Variants in ZNF732 observed in about 807,000 individuals in gnomAD.
ZNF732 encodes zinc finger protein 732, also known as zinc finger protein LOC654254.
In ZNF732, 12 loss-of-function variants were observed where a neutral mutation model predicts 11.5. The observed-to-expected ratio is 1.05, with a 90% CI of 0.67 to 1.70. ZNF732 has a LOEUF of 1.70. Among genes scored for constraint, ZNF732 ranks in the 40% most tolerant of loss-of-function variants. ZNF732 has a pLI of 0.00. For missense variants in ZNF732, 702 were observed against 676.9 expected, an observed-to-expected ratio of 1.04 and a Z score of -0.41; for synonymous variants, 231 against 236.5, an observed-to-expected ratio of 0.98 and a Z score of 0.21.
chr4:304,100 CTGTG>C (rs1176298881), intron 1 of ZNF732, among the ~76,000 whole-genome samples: 3 of 152,028 alleles, frequency 2.0e-5, no homozygotes, highest in African/African-American at 7.2e-5. Flanking sequence ...CTTCCTGGCA[CTGTG>C]TGTGTTATTG....
chr4:294,309 G>A (rs1440391195), intron 3 of ZNF732, among the ~76,000 whole-genome samples: 3 of 152,192 alleles, frequency 2.0e-5, no homozygotes, highest in South Asian at 2.1e-4. Flanking sequence ...CCTAAAATAC[G>A]CTTTCTAAAA....
chr4:271,172 C>A lies in ZNF732; in HGVS notation c.1685G>T (p.Gly562Val), dbSNP rs190383880. ...GGACCACTTAAAGGCTTTGCCACAT[C>A]CTTTACATTTGGGGGTTTTATCTCC... is the stretch of plus-strand genomic sequence containing the variant. ...HTGDKTPKCK[G>V]CGKAFKWSSY... The change falls in exon 4 of 4, where the codon GGA becomes GTA. Residue 562 changes from glycine to valine, a missense_variant. Gly to Val is a moderately radical substitution (Grantham distance 109). Transcript: ENST00000419098. 6 of 1,552,628 alleles carry A rather than the reference C, an allele frequency of 3.9e-6. No homozygotes were observed. The highest frequency in any genetic ancestry group is 5.2e-6 in the Non-Finnish European group (6 of 1,147,872).
intron 3 of ZNF732, among the ~76,000 whole-genome samples, chr4:286,997 G>A (rs529910396): frequency 9.2e-5 from 14 of 151,996 alleles, no homozygotes; most frequent in African/African-American, 3.4e-4. Flanking sequence ...CTAAAAATAT[G>A]AAAATTATCT....
At chr4:283,692 T>C (rs75314292) in intron 3 of ZNF732, among the ~76,000 whole-genome samples, 9,323 of 152,142 alleles carry the variant, frequency 0.061, 485 homozygotes, top group African/African-American at 0.14. Context: ...AATACATCAT[T>C]CAGACTGAAA....
chr4:295,379 C>A, intron 3 of ZNF732, 59 bp downstream of exon 3: 1 of 1,389,450 alleles, frequency 7.2e-7, no homozygotes, highest in Non-Finnish European at 9.8e-7. Context: ...TAAGGCCTAG[C>A]TTCCTTCTGG....
intron 3 of ZNF732, among the ~76,000 whole-genome samples, chr4:293,262 ATATATG>A (rs1719880494): frequency 6.9e-6 from 1 of 145,084 alleles, no homozygotes; most frequent in African/African-American, 2.6e-5. Flanking sequence ...ATATACACAT[ATATATG>A]TATATATGTA....
chr4:305,472 G>A lies in ZNF732; in HGVS notation c.-162C>T, dbSNP rs79657896. Among the ~76,000 whole-genome samples the A allele has an allele frequency of 0.14, 21,119 of 152,192 alleles. 1,842 individuals carry two copies. The highest frequency in any genetic ancestry group is 0.24 in the Admixed American group (3,737 of 15,292). ...TAACCGAGCTCACGCTGGCGCAAAA[G>A]GCAAAAGCCGCGCCAGATCCCGGAT... On this transcript the variant is annotated 5_prime_UTR_variant, in exon 1 of 4. Transcript: ENST00000419098.
intron 3 of ZNF732, among the ~76,000 whole-genome samples, chr4:293,788 T>A (rs972919347): frequency 2.6e-5 from 4 of 152,218 alleles, no homozygotes; most frequent in African/African-American, 9.6e-5. Flanking sequence ...GCATATCAAT[T>A]ATAAAATATG....
chr4:270,982 C>A lies in ZNF732; in HGVS notation c.*117G>T. On this transcript the variant is annotated 3_prime_UTR_variant, in exon 4 of 4. Transcript: ENST00000419098. ...TCTTACTTTCATTCAGGGTTGTGGA[C>A]CATCCAAAAGCTTTGCCACATTCTT... 2.2e-6 allele frequency: 2 copies of A among 912,834 alleles called. No homozygotes were observed. The allele number at this position is 912,834 out of a possible 1,614,324, so 56.5% of individuals were successfully genotyped here. A position where few individuals can be genotyped will look rare whatever the true frequency, so the allele number is the denominator to read the frequency against.
chr4:299,457 A>ATG (rs1487495405), intron 1 of ZNF732, among the ~76,000 whole-genome samples: 810 of 40,790 alleles, frequency 0.02, 59 homozygotes, highest in Middle Eastern at 0.11. Context: ...ATATACACAT[A>ATG]TGTGTATATA....
Position 271,157 on chromosome 4 carries a change from A to G in ZNF732, c.1700T>C (p.Phe567Ser), listed in dbSNP as rs1719346175. The G allele has an allele frequency of 1.9e-6, 3 of 1,550,528 alleles. No homozygotes were observed. In the South Asian group the frequency reaches 3.6e-5, roughly 18 times the overall value. Residue 567 changes from phenylalanine to serine, a missense_variant, in exon 4 of 4, where the codon TTT becomes TCT. By Grantham distance (155) the Phe-to-Ser change is radical. Coordinates refer to ENST00000419098, the MANE Select transcript of ZNF732 (RefSeq NM_001137608.3). ...TPKCKGCGKA[F>S]KWSSYLNQHN... ...TTGATTAAGGTATGAGGACCACTTA[A>G]AGGCTTTGCCACATCCTTTACATTT...
At chr4:292,924 C>T (rs1581543185) in intron 3 of ZNF732, among the ~76,000 whole-genome samples, 1 of 136,336 alleles carries the variant, frequency 7.3e-6, no homozygotes, top group Non-Finnish European at 1.5e-5. Flanking sequence ...AAAAATTAGC[C>T]AGGCGTGGTG....
chr4:276,326 A>T (rs572916338), intron 3 of ZNF732, among the ~76,000 whole-genome samples: 1 of 152,064 alleles, frequency 6.6e-6, no homozygotes, highest in East Asian at 1.9e-4. Context: ...TATGCTCCAC[A>T]GTCTTACAGT....
intron 1 of ZNF732, among the ~76,000 whole-genome samples, chr4:302,772 T>C (rs1223439737): frequency 6.6e-6 from 1 of 152,346 alleles, no homozygotes; most frequent in East Asian, 1.9e-4. Flanking sequence ...ATAAAAGTTT[T>C]CGAGACAGGA....
intron 1 of ZNF732, 50 bp from the exon 2 acceptor site, chr4:296,205 T>TG (rs1553842279): frequency 6.3e-7 from 1 of 1,595,014 alleles, no homozygotes; most frequent in African/African-American, 1.4e-5. Context: ...TGACTACAGG[T>TG]GAAATGAGTT....
In ZNF732 at chr4:271,682, CAT is replaced by C. The variant is rs781933793; in HGVS notation, c.1173_1174del (p.Cys392Ter). 5.5e-5 allele frequency: 88 copies of C among 1,612,012 alleles called. No individual in the cohort carries two copies. The highest frequency in any genetic ancestry group is 6.4e-5 in the Non-Finnish European group (75 of 1,179,016). On this transcript the variant is annotated frameshift_variant, in exon 4 of 4. Coordinates refer to ENST00000419098, the MANE Select transcript of ZNF732 (RefSeq NM_001137608.3). LOFTEE classifies it low-confidence loss of function (END_TRUNC). ...ACTAAAGGCTTTTCCACATTCTTCA[CAT>C]GTGTAGGGTTTCTCTCCAGTATGAA...
intron 3 of ZNF732, among the ~76,000 whole-genome samples, chr4:288,316 G>A (rs1553840908): frequency 6.6e-6 from 1 of 152,124 alleles, no homozygotes; most frequent in Admixed American, 6.6e-5. Context: ...AGAAAACATT[G>A]CTGAGACCAA....
In ZNF732 at chr4:296,096, C is replaced by T. The variant is rs782729882; in HGVS notation, c.63G>A (p.Leu21=). Residue 21 remains leucine (L), a synonymous_variant, in exon 2 of 4, where the codon CTG becomes CTA. Transcript: ENST00000419098. The part of the protein sequence containing the change: ...IEFSPEEWKC[L]DPAQQNLYRD... ...TATACAAATTCTGCTGGGCAGGGTC[C>T]AGGCATTTCCACTCTTCTGGAGAGA... is the stretch of plus-strand genomic sequence containing the variant. The T allele has an allele frequency of 2.5e-6, 4 of 1,613,790 alleles. No homozygotes were observed. The African/African-American group carries it at 5.3e-5, about 22-fold the overall frequency.
rs569504416 is a variant in ZNF732, at chr4:295,430, T to A, written c.226+8A>T. 176 of 1,598,080 alleles carry A rather than the reference T, an allele frequency of 1.1e-4. 3 individuals are homozygous for A. In the South Asian group the frequency reaches 1.9e-3, roughly 17 times the overall value. ...CCTGTGTCCTCTCCTTCATTCACTG[T>A]CACCTACCTGGGTGTTTGGCTACTG... On this transcript the variant is annotated splice_region_variant and intron_variant, in intron 3 of 3. Transcript: ENST00000419098.
Sources: allele counts gnomAD v4.1 joint callset (sites outside exome capture counted in the v4.1 genomes callset), GRCh38; gene constraint gnomAD v4.1.1; transcripts MANE v1.5; gene names NCBI Gene and HGNC (gene_info 2026-07-23, HGNC 2026-07-21).